Variants in GPR85 observed in about 807,000 individuals in gnomAD.
The protein encoded by GPR85 is G protein-coupled receptor 85.
In GPR85, 7 loss-of-function variants were observed where a neutral mutation model predicts 21.3. That is an observed-to-expected ratio of 0.33 (90% CI 0.19 to 0.62). The LOEUF (loss-of-function observed/expected upper bound fraction) is 0.62, where lower values mean the gene tolerates loss of function less well. GPR85 is among the 20% of genes least tolerant of loss of function. GPR85 has a pLI of 0.80. For synonymous variants in GPR85, 167 were observed against 166.1 expected, an observed-to-expected ratio of 1.01 and a Z score of -0.04; for missense variants, 299 against 443.8, an observed-to-expected ratio of 0.67 and a Z score of 2.93.
chr7:113,084,401 G>A lies in GPR85; in HGVS notation c.321C>T (p.His107=). 6.2e-7 allele frequency: 1 copy of A among 1,613,804 alleles called. No homozygotes were observed. The part of the protein sequence containing the change: ...IAFLGVLSCF[H]TAFMLFCISV... ...TGATGCAGAAGAGCATGAAAGCAGT[G>A]TGGAAACAGGACAAAACCCCCAGAA... Residue 107 remains histidine, a synonymous_variant, in exon 3 of 3, where the codon CAC becomes CAT. Transcript: ENST00000424100.
In GPR85 at chr7:113,084,321, G is replaced by T; in HGVS notation, c.401C>A (p.Thr134Asn). 1.2e-6 allele frequency: 2 copies of T among 1,614,052 alleles called. No individual in the cohort carries two copies. The highest frequency in any genetic ancestry group is 1.7e-6 in the Non-Finnish European group (2 of 1,179,976). Residue 134 changes from threonine to asparagine, a missense_variant, in exon 3 of 3, where the codon ACC becomes AAC. Coordinates refer to ENST00000424100, the MANE Select transcript of GPR85 (RefSeq NM_001146267.2). ...GATCACAGCCAGACACGTCCAAAAGGTCAGCCTCTTTGTATAGAAGCGGTG... is the reference window on the plus strand; with the variant it reads ...GATCACAGCCAGACACGTCCAAAAGTTCAGCCTCTTTGTATAGAAGCGGTG... ...AHHRFYTKRLTFWTCLAVICM... is the reference protein window; with the variant it reads ...AHHRFYTKRLNFWTCLAVICM...
In GPR85 at chr7:113,083,509, G is replaced by T. The variant is rs1368525240; in HGVS notation, c.*100C>A. The T allele has an allele frequency of 2.8e-6, 3 of 1,081,752 alleles. No homozygotes were observed. The highest frequency in any genetic ancestry group is 1.6e-5 in the African/African-American group (1 of 63,266). The allele number at this position is 1,081,752 out of a possible 1,614,324, so 67.0% of individuals were successfully genotyped here. A position where few individuals can be genotyped will look rare whatever the true frequency, so the allele number is the denominator to read the frequency against. ...TGTTGCCCAAATCCTTAAAACTGCT[G>T]ATTCCATTCTTGAATTTCTTCTCAA... is the stretch of plus-strand genomic sequence containing the variant. On this transcript the variant is annotated 3_prime_UTR_variant, in exon 3 of 3. Coordinates refer to ENST00000424100, the MANE Select transcript of GPR85 (RefSeq NM_001146267.2). This position sits in a 1 kb window ranked among gnomAD's most constrained non-coding sequence, Gnocchi z 4.4.
rs1794283693 is a variant in GPR85, at chr7:113,086,396, C to CTTTTTTTTTTTTTTTTTTCTTTTT, written c.-364_-363insAAAAAGAAAAAAAAAAAAAAAAAA. 1.0e-4 allele frequency: 5 copies of CTTTTTTTTTTTTTTTTTTCTTTTT among 48,066 alleles called. No individual in the cohort carries two copies. The highest frequency in any genetic ancestry group is 6.7e-4 in the East Asian group (1 of 1,490). 3.0% of individuals were successfully genotyped at this position (48,066 alleles called of 1,614,324 possible). A position where few individuals can be genotyped will look rare whatever the true frequency, so the allele number is the denominator to read the frequency against. On this transcript the variant is annotated 5_prime_UTR_variant, in exon 1 of 3. Coordinates refer to ENST00000424100, the MANE Select transcript of GPR85 (RefSeq NM_001146267.2). ...CTGATTTTTTTCTTTTTTTCTTTTT[C>CTTTTTTTTTTTTTTTTTTCTTTTT]TTTTTTTTTTTTTTTTTTTTGTTTT...
At chr7:113,084,912 A>C (rs1031819208) in intron 2 of GPR85, 21 bp from the exon 3 acceptor site, 3 of 532,260 alleles carry the variant, frequency 5.6e-6, no homozygotes, top group Admixed American at 7.4e-5. Context: ...AAAAAAAAAA[A>C]ACCTATCAGT....
chr7:113,086,409 T>TG lies in GPR85; in HGVS notation c.-377_-376insC, dbSNP rs1794292522. 4 of 93,608 alleles carry TG rather than the reference T, an allele frequency of 4.3e-5. No individual in the cohort carries two copies. Among genetic ancestry groups the TG allele is most frequent in the African/African-American group, 1.8e-4 (4 of 22,848 alleles). The allele number at this position is 93,608 out of a possible 1,614,324, so 5.8% of individuals were successfully genotyped here. ...TTTTTTCTTTTTCTTTTTTTTTTTT[T>TG]TTTTTTTGTTTTTTGTTTTTTTTTT... On this transcript the variant is annotated 5_prime_UTR_variant, in exon 1 of 3. It introduces an in-frame stop codon into an upstream open reading frame of the 5' UTR. Transcript: ENST00000424100.
chr7:113,084,098 G>A lies in GPR85; in HGVS notation c.624C>T (p.Phe208=), dbSNP rs780450966. ...TQLVYLKLIF[F]VHDRRKMKPV... ...GCTTCATTTTTCTTCGATCGTGGACGAAAAATATCAGCTTGAGGTAGACAA... is the reference window on the plus strand; with the variant it reads ...GCTTCATTTTTCTTCGATCGTGGACAAAAAATATCAGCTTGAGGTAGACAA... Residue 208 remains phenylalanine, a synonymous_variant, in exon 3 of 3, where the codon TTC becomes TTT. Coordinates refer to ENST00000424100, the MANE Select transcript of GPR85 (RefSeq NM_001146267.2). The A allele has an allele frequency of 1.4e-5, 22 of 1,614,020 alleles. No individual in the cohort carries two copies. The highest frequency in any genetic ancestry group is 7.7e-5 in the South Asian group (7 of 91,074).
rs1794307106 is a variant in GPR85, at chr7:113,086,473, C to T, written c.-440G>A. 1 of 108,724 alleles carries T rather than the reference C, an allele frequency of 9.2e-6. No homozygotes were observed. The highest frequency in any genetic ancestry group is 1.4e-4 in the Admixed American group (1 of 7,332). The allele number at this position is 108,724 out of a possible 1,614,324, so 6.7% of individuals were successfully genotyped here. A position where few individuals can be genotyped will look rare whatever the true frequency, so the allele number is the denominator to read the frequency against. Reference sequence around the variant, plus strand: ...TTAGTGCCTTGACTGAGCATCCAGGCAGGGCTCGGCGGCGCCTGCGCGCTG... The same window carrying T: ...TTAGTGCCTTGACTGAGCATCCAGGTAGGGCTCGGCGGCGCCTGCGCGCTG... On this transcript the variant is annotated 5_prime_UTR_variant, in exon 1 of 3. Coordinates refer to ENST00000424100, the MANE Select transcript of GPR85 (RefSeq NM_001146267.2).
upstream of GPR85, among the ~76,000 whole-genome samples, chr7:113,087,144 A>G (rs955345376): frequency 1.3e-5 from 2 of 152,218 alleles, no homozygotes; most frequent in African/African-American, 4.8e-5. Flanking sequence ...CTATTCTCCA[A>G]TGCACGCAAA....
Position 113,084,566 on chromosome 7 carries a change from A to G in GPR85, c.156T>C (p.His52=), listed in dbSNP as rs1794223054. The G allele has an allele frequency of 1.9e-6, 3 of 1,613,490 alleles. No homozygotes were observed. Among genetic ancestry groups the G allele is most frequent in the Non-Finnish European group, 2.5e-6 (3 of 1,179,504 alleles). ...CCAACAGGAAGTAGTAAGGTGCTCT[A>G]TGCAAGGTCTTATCTTTCACTAGCA... ...SILLVKDKTL[H]RAPYYFLLDL... is the part of the protein sequence containing the mutation. The change falls in exon 3 of 3, where the codon CAT becomes CAC. Residue 52 remains histidine, a synonymous_variant. Transcript: ENST00000424100.
In GPR85 at chr7:113,084,011, G is replaced by T; in HGVS notation, c.711C>A (p.Gly237=). ...CTGCTAGCCAATTGGCAGCTGCCTGGCCACTGGCTCCAGGACCATGAAAAG... is the reference window on the plus strand; with the variant it reads ...CTGCTAGCCAATTGGCAGCTGCCTGTCCACTGGCTCCAGGACCATGAAAAG... ...NWTFHGPGAS[G]QAAANWLAGF... Residue 237 remains glycine (G), a synonymous_variant, in exon 3 of 3, where the codon GGC becomes GGA. Coordinates refer to ENST00000424100, the MANE Select transcript of GPR85 (RefSeq NM_001146267.2). 11 of 1,614,146 alleles carry T rather than the reference G, an allele frequency of 6.8e-6. No individual in the cohort carries two copies. Among genetic ancestry groups the T allele is most frequent in the Non-Finnish European group, 9.3e-6 (11 of 1,180,016 alleles).
chr7:113,086,417 G>GTTTTTTTTTTTTTTTTTTTTT lies in GPR85; in HGVS notation c.-385_-384insAAAAAAAAAAAAAAAAAAAAA, dbSNP rs1794296050. 3.0e-5 allele frequency: 2 copies of GTTTTTTTTTTTTTTTTTTTTT among 66,632 alleles called. No individual in the cohort carries two copies. Among genetic ancestry groups the GTTTTTTTTTTTTTTTTTTTTT allele is most frequent in the African/African-American group, 1.2e-4 (2 of 16,224 alleles). 4.1% of individuals were successfully genotyped at this position (66,632 alleles called of 1,614,324 possible). On this transcript the variant is annotated 5_prime_UTR_variant, in exon 1 of 3. Transcript: ENST00000424100. ...TTTTCTTTTTTTTTTTTTTTTTTTT[G>GTTTTTTTTTTTTTTTTTTTTT]TTTTTTGTTTTTTTTTTTTTTTTTT...
At chr7:113,087,342 G>A (rs1456055801), upstream of GPR85, 3 of 154,358 alleles carry the variant, frequency 1.9e-5, no homozygotes, top group Non-Finnish European at 2.9e-5. Context: ...GACCAATGAT[G>A]GGTGATGTCA....
At position 113,085,038 on chromosome 7, in the gene GPR85, C is replaced by T. The variant is rs188396528; in HGVS notation, c.-170-147G>A. 2.2e-3 allele frequency: 505 copies of T among 227,992 alleles called. 4 individuals are homozygous for T. The highest frequency in any genetic ancestry group is 3.2e-3 in the Non-Finnish European group (375 of 115,696). The allele number at this position is 227,992 out of a possible 1,614,324, so 14.1% of individuals were successfully genotyped here. A position where few individuals can be genotyped will look rare whatever the true frequency, so the allele number is the denominator to read the frequency against. On this transcript the variant is annotated intron_variant, in intron 2 of 2. Coordinates refer to ENST00000424100, the MANE Select transcript of GPR85 (RefSeq NM_001146267.2). ...ATTTGCTTTACTAAATATTTTTGCT[C>T]GAGATTTCAGAGAATTGGCTTGTTT... is the stretch of plus-strand genomic sequence containing the variant.
Position 113,084,893 on chromosome 7 carries a change from T to TG in GPR85, c.-170-3dup. ...CCACTTGTTTTGCCATCAGAATATC[T>TG]GAAAAAAAAAAAAAAAAAAACCTAT... On this transcript the variant is annotated splice_region_variant and splice_polypyrimidine_tract_variant and intron_variant, in intron 2 of 2. Coordinates refer to ENST00000424100, the MANE Select transcript of GPR85 (RefSeq NM_001146267.2). The TG allele has an allele frequency of 1.1e-5, 3 of 278,018 alleles. No homozygotes were observed. Among genetic ancestry groups the TG allele is most frequent in the East Asian group, 1.1e-4 (2 of 17,484 alleles). 17.2% of individuals were successfully genotyped at this position (278,018 alleles called of 1,614,324 possible).
Position 113,083,392 on chromosome 7 carries a change from C to A in GPR85, c.*217G>T, listed in dbSNP as rs377260758. 1.9e-6 allele frequency: 1 copy of A among 528,666 alleles called. No homozygotes were observed. Among genetic ancestry groups the A allele is most frequent in the Non-Finnish European group, 3.3e-6 (1 of 301,152 alleles). 32.7% of individuals were successfully genotyped at this position (528,666 alleles called of 1,614,324 possible). A position where few individuals can be genotyped will look rare whatever the true frequency, so the allele number is the denominator to read the frequency against. On this transcript the variant is annotated 3_prime_UTR_variant, in exon 3 of 3. Transcript: ENST00000424100. This position sits in a 1 kb window ranked among gnomAD's most constrained non-coding sequence, Gnocchi z 4.4. ...AGAAACTTAGGGCAGTGGTTCAGTC[C>A]CTTCTTAATTACAAACCTTTGCTGG...
chr7:113,086,382 C>CTTTTTTTTTTTT lies in GPR85; in HGVS notation c.-350_-349insAAAAAAAAAAAA, dbSNP rs1344514443. On this transcript the variant is annotated 5_prime_UTR_variant, in exon 1 of 3. Transcript: ENST00000424100. The stretch of plus-strand genomic sequence containing the variant: ...CTTTCTATAAATTGCTGATTTTTTT[C>CTTTTTTTTTTTT]TTTTTTTCTTTTTCTTTTTTTTTTT... 3.1e-5 allele frequency: 1 copy of CTTTTTTTTTTTT among 32,130 alleles called. No homozygotes were observed. The highest frequency in any genetic ancestry group is 6.7e-5 in the Non-Finnish European group (1 of 14,998). The allele number at this position is 32,130 out of a possible 1,614,324, so 2.0% of individuals were successfully genotyped here. A position where few individuals can be genotyped will look rare whatever the true frequency, so the allele number is the denominator to read the frequency against.
chr7:113,086,382 CTT>C lies in GPR85; in HGVS notation c.-351_-350del, dbSNP rs1344514443. Reference sequence around the variant, plus strand: ...CTTTCTATAAATTGCTGATTTTTTTCTTTTTTTCTTTTTCTTTTTTTTTTTTT... The same window carrying C: ...CTTTCTATAAATTGCTGATTTTTTTCTTTTTCTTTTTCTTTTTTTTTTTTT... On this transcript the variant is annotated 5_prime_UTR_variant, in exon 1 of 3. It introduces an in-frame stop codon into an upstream open reading frame of the 5' UTR. Coordinates refer to ENST00000424100, the MANE Select transcript of GPR85 (RefSeq NM_001146267.2). 15 of 32,148 alleles carry C rather than the reference CTT, an allele frequency of 4.7e-4. No individual in the cohort carries two copies. Among genetic ancestry groups the C allele is most frequent in the Non-Finnish European group, 6.7e-4 (10 of 14,992 alleles). The allele number at this position is 32,148 out of a possible 1,614,324, so 2.0% of individuals were successfully genotyped here.
chr7:113,086,034 C>T lies in GPR85; in HGVS notation c.-213G>A, dbSNP rs1794264437. 1 of 152,564 alleles carries T rather than the reference C, an allele frequency of 6.6e-6. No homozygotes were observed. The highest frequency in any genetic ancestry group is 6.5e-5 in the Admixed American group (1 of 15,270). 9.5% of individuals were successfully genotyped at this position (152,564 alleles called of 1,614,324 possible). On this transcript the variant is annotated 5_prime_UTR_variant, in exon 2 of 3. Coordinates refer to ENST00000424100, the MANE Select transcript of GPR85 (RefSeq NM_001146267.2). ...GATTGCTTCTGTGCTGCAAAGGAACCGTTCCCGGTGATTCGCAGTCTGATA... is the reference window on the plus strand; with the variant it reads ...GATTGCTTCTGTGCTGCAAAGGAACTGTTCCCGGTGATTCGCAGTCTGATA...
rs1794290946 is a variant in GPR85, at chr7:113,086,405, TTTTTTTTTTTTG to T, written c.-384_-373del. ...TTCTTTTTTTCTTTTTCTTTTTTTTTTTTTTTTTTTTGTTTTTTGTTTTTTTTTTTTTTTTTT... is the reference window on the plus strand; with the variant it reads ...TTCTTTTTTTCTTTTTCTTTTTTTTTTTTTTTGTTTTTTTTTTTTTTTTTT... On this transcript the variant is annotated 5_prime_UTR_variant, in exon 1 of 3. Transcript: ENST00000424100. 1.1e-5 allele frequency: 1 copy of T among 94,710 alleles called. No homozygotes were observed. Among genetic ancestry groups the T allele is most frequent in the African/African-American group, 4.5e-5 (1 of 22,268 alleles). The allele number at this position is 94,710 out of a possible 1,614,324, so 5.9% of individuals were successfully genotyped here.
Sources: gnomAD v4.1 joint callset for allele counts (sites outside exome capture counted in the v4.1 genomes callset) on GRCh38, gnomAD v4.1.1 for gene constraint, Gnocchi (gnomAD v3.1) non-coding constraint, MANE v1.5 for transcripts, NCBI Gene and HGNC (gene_info 2026-07-23, HGNC 2026-07-21) for gene names.